Variants in ELMOD1 observed in about 807,000 individuals in gnomAD.
The protein encoded by ELMOD1 is ELMO domain-containing protein 1.
A neutral mutation model predicts 46.7 loss-of-function variants in ELMOD1; 21 were observed. That is an observed-to-expected ratio of 0.45 (90% CI 0.32 to 0.65). ELMOD1 has a LOEUF of 0.65. Among genes scored for constraint, ELMOD1 ranks in the 30% least tolerant of loss-of-function variants. The pLI is 0.04. For missense variants in ELMOD1, 348 were observed against 407.8 expected (o/e 0.85, Z 1.26); for synonymous variants, 122 against 138.2 (o/e 0.88, Z 0.82).
intron 2 of ELMOD1, among the ~76,000 whole-genome samples, chr11:107,624,433 T>C (rs933950710): frequency 2.0e-5 from 3 of 152,116 alleles, no homozygotes; most frequent in Admixed American, 6.6e-5. Context: ...GGCAGATTGC[T>C]CAAGCCCATG....
chr11:107,640,130 A>C (rs1866295901), intron 6 of ELMOD1, among the ~76,000 whole-genome samples: 1 of 152,148 alleles, frequency 6.6e-6, no homozygotes, highest in African/African-American at 2.4e-5. Flanking sequence ...CAGCCTCCTG[A>C]GTAGCTGGGA....
At chr11:107,635,392 G>C (rs1866211298) in intron 5 of ELMOD1, among the ~76,000 whole-genome samples, 1 of 152,114 alleles carries the variant, frequency 6.6e-6, no homozygotes, top group Non-Finnish European at 1.5e-5. Flanking sequence ...TTATTTTTAA[G>C]TCATACCATT....
intron 7 of ELMOD1, 82 bp downstream of exon 7, chr11:107,647,683 C>A: frequency 7.1e-7 from 1 of 1,410,906 alleles, no homozygotes; most frequent in Non-Finnish European, 9.5e-7. Flanking sequence ...GAGTAATTAG[C>A]TTCAAAAGGT....
chr11:107,622,508 C>T (rs547077235), intron 2 of ELMOD1, among the ~76,000 whole-genome samples: 25 of 152,198 alleles, frequency 1.6e-4, no homozygotes, highest in Admixed American at 6.5e-4. Flanking sequence ...GTCTGGCCTT[C>T]GCTTAGAGCC....
At chr11:107,624,306 T>A (rs1866004491) in intron 2 of ELMOD1, among the ~76,000 whole-genome samples, 1 of 152,214 alleles carries the variant, frequency 6.6e-6, no homozygotes, top group South Asian at 2.1e-4. Context: ...TCCTTATAAA[T>A]AAGTCAATAA....
intron 1 of ELMOD1, among the ~76,000 whole-genome samples, chr11:107,595,306 C>CT (rs1032363685): frequency 2.2e-4 from 33 of 152,184 alleles, no homozygotes; most frequent in Admixed American, 5.9e-4. Flanking sequence ...TCATTAGGGT[C>CT]TTTTTTCTCA....
intron 2 of ELMOD1, chr11:107,625,445 G>A (rs1866024916): frequency 1.0e-6 from 1 of 985,254 alleles, no homozygotes; most frequent in Non-Finnish European, 1.2e-6. Context: ...CATTGAAACT[G>A]TTCAAAATAA....
intron 11 of ELMOD1, among the ~76,000 whole-genome samples, chr11:107,664,013 T>A (rs1866791957): frequency 6.6e-6 from 1 of 152,152 alleles, no homozygotes; most frequent in South Asian, 2.1e-4. Context: ...TTGAGACAGG[T>A]ATCACTCTGT....
Position 107,665,298 on chromosome 11 carries a change from T to C in ELMOD1, c.*101T>C. On this transcript the variant is annotated 3_prime_UTR_variant, in exon 12 of 12. Coordinates refer to ENST00000265840, the MANE Select transcript of ELMOD1 (RefSeq NM_018712.4). ...TCACGCATTGAATGCACACAGTGAT[T>C]GTATGCATGCCTTTTGGTACAGTGT... The C allele has an allele frequency of 8.5e-7, 1 of 1,177,036 alleles. No homozygotes were observed. Among genetic ancestry groups the C allele is most frequent in the Non-Finnish European group, 1.2e-6 (1 of 821,870 alleles). 72.9% of individuals were successfully genotyped at this position (1,177,036 alleles called of 1,614,324 possible).
intron 11 of ELMOD1, among the ~76,000 whole-genome samples, chr11:107,661,332 A>G (rs1245346132): frequency 2.0e-5 from 3 of 152,238 alleles, no homozygotes; most frequent in Non-Finnish European, 1.5e-5. Context: ...GCCACACTAC[A>G]TCACCTTTAG....
chr11:107,654,403 T>TCTG, intron 10 of ELMOD1, among the ~76,000 whole-genome samples, 181 bp downstream of exon 10: 1 of 152,238 alleles, frequency 6.6e-6, no homozygotes, highest in Non-Finnish European at 1.5e-5. Context: ...TTATATGATA[T>TCTG]TACTTTGCCT....
rs371409766 is a variant in ELMOD1, at chr11:107,631,694, T to C, written c.290+17T>C. 5 of 1,394,426 alleles carry C rather than the reference T, an allele frequency of 3.6e-6. No individual in the cohort carries two copies. Among genetic ancestry groups the C allele is most frequent in the Non-Finnish European group, 4.9e-6 (5 of 1,015,614 alleles). 86.4% of individuals were successfully genotyped at this position (1,394,426 alleles called of 1,614,324 possible). A position where few individuals can be genotyped will look rare whatever the true frequency, so the allele number is the denominator to read the frequency against. On this transcript the variant is annotated intron_variant, in intron 5 of 11. Transcript: ENST00000265840. ...AAATCCACAGTAAGAATATGTTTCT[T>C]ATGTCAAAAATACAGAACACAAATC...
At chr11:107,652,460 A>G (rs759100164) in intron 9 of ELMOD1, among the ~76,000 whole-genome samples, 2 of 152,198 alleles carry the variant, frequency 1.3e-5, no homozygotes, top group Non-Finnish European at 2.9e-5. Context: ...TTGGGCCAGG[A>G]TATCCTATAA....
chr11:107,608,041 AAAAG>A (rs1178236168), intron 1 of ELMOD1, among the ~76,000 whole-genome samples: 4 of 146,978 alleles, frequency 2.7e-5, no homozygotes, highest in African/African-American at 8.1e-5. Context: ...AAAGAAAAAA[AAAAG>A]AAAAAAAAAC....
At chr11:107,661,684 C>A (rs1866742410) in intron 11 of ELMOD1, among the ~76,000 whole-genome samples, 1 of 152,106 alleles carries the variant, frequency 6.6e-6, no homozygotes, top group Admixed American at 6.5e-5. Flanking sequence ...TAGGAGGAAG[C>A]CAAGGAAACT....
chr11:107,618,210 T>C lies in ELMOD1; in HGVS notation c.17+4T>C, dbSNP rs1369866470. ...GCACCATGAAGCACTTCCTGAGGTA[T>C]GTGTTTACGGTTCCCTGGCTGAGCC... On this transcript the variant is annotated splice_donor_region_variant and intron_variant, in intron 2 of 11. Coordinates refer to ENST00000265840, the MANE Select transcript of ELMOD1 (RefSeq NM_018712.4). 1 of 1,563,436 alleles carries C rather than the reference T, an allele frequency of 6.4e-7. No homozygotes were observed. The highest frequency in any genetic ancestry group is 1.7e-4 in the Middle Eastern group (1 of 6,008).
chr11:107,665,209 G>A lies in ELMOD1; in HGVS notation c.*12G>A, dbSNP rs770654375. 20 of 1,612,492 alleles carry A rather than the reference G, an allele frequency of 1.2e-5. No homozygotes were observed. Among genetic ancestry groups the A allele is most frequent in the Admixed American group, 3.3e-5 (2 of 59,878 alleles). ...TAATCAACATGTAGTTGCCCACGCC[G>A]GTTTTAATGGATACCCTGGAACACT... On this transcript the variant is annotated 3_prime_UTR_variant, in exon 12 of 12. Transcript: ENST00000265840.
rs993907230 is a variant in ELMOD1, at chr11:107,640,939, A to G, written c.420+5174A>G. 7.9e-5 allele frequency among the ~76,000 whole-genome samples: 12 copies of G among 152,242 alleles called. No homozygotes were observed. In the South Asian group the frequency reaches 2.5e-3, roughly 32 times the overall value. On this transcript the variant is annotated intron_variant, in intron 6 of 11. Transcript: ENST00000265840. ...TCTCATGTGTGCATATAATTCAAACATAAACTTTGTGGAGAGGGGATATAA... is the reference window on the plus strand; with the variant it reads ...TCTCATGTGTGCATATAATTCAAACGTAAACTTTGTGGAGAGGGGATATAA...
Position 107,632,385 on chromosome 11 carries a change from G to A in ELMOD1, c.290+708G>A, listed in dbSNP as rs754580766. On this transcript the variant is annotated intron_variant, in intron 5 of 11. Transcript: ENST00000265840. ...CAATCAAACTGTCTTTTAGATGTTC[G>A]TGTCTGAGAACTTTAGATGTTACCT... 5.3e-5 allele frequency among the ~76,000 whole-genome samples: 8 copies of A among 152,242 alleles called. No individual in the cohort carries two copies. In the East Asian group the frequency reaches 5.8e-4, roughly 11 times the overall value.
Sources: gnomAD v4.1 joint callset for allele counts (sites outside exome capture counted in the v4.1 genomes callset) on GRCh38, gnomAD v4.1.1 for gene constraint, MANE v1.5 for transcripts, NCBI Gene and HGNC (gene_info 2026-07-23, HGNC 2026-07-21) for gene names.